Variants in ATG10 observed in about 807,000 individuals in gnomAD.
The protein encoded by ATG10 is autophagy related 10.
Under a neutral mutation model 32.1 loss-of-function variants are expected in ATG10, and 30 were observed. That is an observed-to-expected ratio of 0.94 (90% CI 0.70 to 1.27). The LOEUF is 1.27. Ranked by LOEUF, ATG10 falls within the 50% of genes most tolerant of loss-of-function variation. The probability of loss-of-function intolerance (pLI) is 0.00; values close to 1 mark genes in which losing one functional copy is unlikely to be tolerated. For synonymous variants in ATG10, 87 were observed against 91.5 expected (o/e 0.95, Z 0.28); for missense variants, 233 against 262.3 (o/e 0.89, Z 0.77).
At chr5:82,234,402 G>A (rs150874374) in intron 5 of ATG10, among the ~76,000 whole-genome samples, 8 of 152,274 alleles carry the variant, frequency 5.3e-5, no homozygotes, top group African/African-American at 1.9e-4. Context: ...TAGGGTACCT[G>A]GTGTGCAGGA....
In ATG10 at chr5:82,085,249, T is replaced by C. The variant is rs559880398; in HGVS notation, c.216+26647T>C. ...AGAGACAAAGAAGGCCATTACTTAA[T>C]GGTAAAGGGATCAATTCAACAAGAA... On this transcript the variant is annotated intron_variant, in intron 3 of 7. Transcript: ENST00000282185. 1.2e-3 allele frequency among the ~76,000 whole-genome samples: 175 copies of C among 152,076 alleles called. 2 individuals are homozygous for C. Among genetic ancestry groups the C allele is most frequent in the Admixed American group, 2.3e-3 (35 of 15,288 alleles).
intron 5 of ATG10, among the ~76,000 whole-genome samples, chr5:82,208,763 C>T (rs1581804963): frequency 6.6e-6 from 1 of 152,310 alleles, no homozygotes; most frequent in East Asian, 1.9e-4. Flanking sequence ...TTATTGGCAT[C>T]TTTTGAGATA....
intron 1 of ATG10, among the ~76,000 whole-genome samples, chr5:81,979,527 CA>C (rs869262529): frequency 2.7e-5 from 4 of 147,918 alleles, no homozygotes; most frequent in East Asian, 2.0e-4. Flanking sequence ...CACTCCGTCT[CA>C]AAAAAAAAAT....
At chr5:82,183,784 A>G (rs1213431381) in intron 5 of ATG10, among the ~76,000 whole-genome samples, 1 of 152,202 alleles carries the variant, frequency 6.6e-6, no homozygotes, top group African/African-American at 2.4e-5. Context: ...TTTGTGAGCT[A>G]GCTTTCAAGA....
At chr5:82,041,312 A>G (rs537352037) in intron 2 of ATG10, among the ~76,000 whole-genome samples, 3 of 152,330 alleles carry the variant, frequency 2.0e-5, no homozygotes, top group South Asian at 4.1e-4. Flanking sequence ...GATTTTATGT[A>G]TCTTGCTCAC....
chr5:82,149,092 T>A (rs1041945048), intron 3 of ATG10, among the ~76,000 whole-genome samples: 1 of 152,172 alleles, frequency 6.6e-6, no homozygotes, highest in African/African-American at 2.4e-5. Flanking sequence ...TGCCTCTTAC[T>A]AATTGTGACC....
intron 5 of ATG10, among the ~76,000 whole-genome samples, chr5:82,209,600 C>T (rs1745422624): frequency 6.6e-6 from 1 of 152,118 alleles, no homozygotes; most frequent in East Asian, 1.9e-4. Context: ...TTATAAACCA[C>T]CAAGTTTATG....
intron 5 of ATG10, among the ~76,000 whole-genome samples, chr5:82,186,981 G>C (rs1288107328): frequency 6.6e-6 from 1 of 152,072 alleles, no homozygotes; most frequent in Non-Finnish European, 1.5e-5. Context: ...AATGAATTCT[G>C]TTTGTTCCTT....
At chr5:82,169,601 T>C (rs1397096150) in intron 4 of ATG10, among the ~76,000 whole-genome samples, 1 of 152,136 alleles carries the variant, frequency 6.6e-6, no homozygotes, top group Non-Finnish European at 1.5e-5. Context: ...TGACAGATAA[T>C]TTAATTTAGA....
intron 3 of ATG10, among the ~76,000 whole-genome samples, chr5:82,061,015 CTT>C (rs1242652331): frequency 1.3e-5 from 2 of 152,180 alleles, no homozygotes; most frequent in Non-Finnish European, 2.9e-5. Flanking sequence ...ACCTATAACT[CTT>C]TTCTCTCACT....
intron 3 of ATG10, among the ~76,000 whole-genome samples, chr5:82,069,751 T>G (rs1764062097): frequency 6.6e-6 from 1 of 152,208 alleles, no homozygotes; most frequent in Non-Finnish European, 1.5e-5. Context: ...ATCTATTTTA[T>G]TAAAGGATAC....
At chr5:82,023,832 G>A (rs188327211) in intron 2 of ATG10, among the ~76,000 whole-genome samples, 1 of 152,300 alleles carries the variant, frequency 6.6e-6, no homozygotes, top group Admixed American at 6.5e-5. Flanking sequence ...AGTCAAAGCC[G>A]TAAACCTTTT....
intron 3 of ATG10, among the ~76,000 whole-genome samples, chr5:82,141,247 G>T (rs575028190): frequency 3.4e-5 from 5 of 148,690 alleles, no homozygotes; most frequent in Non-Finnish European, 6.0e-5. Flanking sequence ...AAAAAAAAAA[G>T]AAAGTCGAGT....
intron 2 of ATG10, among the ~76,000 whole-genome samples, chr5:82,020,920 A>G (rs78976832): frequency 0.11 from 16,946 of 152,128 alleles, 1,323 homozygotes; most frequent in Non-Finnish European, 0.16. Flanking sequence ...AATGTTAAGG[A>G]CAATTACTGG....
At chr5:82,083,226 C>T (rs1009190748) in intron 3 of ATG10, among the ~76,000 whole-genome samples, 10 of 152,220 alleles carry the variant, frequency 6.6e-5, no homozygotes, top group African/African-American at 2.4e-4. Context: ...CGGAGCCTCA[C>T]TCACTGCTAG....
rs1452010537 is a variant in ATG10, at chr5:82,018,338, C to A, written c.108+30660C>A. ...TTCATAATATCCAGAATCATACCAT[C>A]TGTCATCATCTTCCCTGCTACCACC... On this transcript the variant is annotated intron_variant, in intron 2 of 7. Transcript: ENST00000282185. Among the ~76,000 whole-genome samples the A allele has an allele frequency of 2.6e-5, 4 of 152,262 alleles. No homozygotes were observed. The East Asian group carries it at 7.7e-4, about 29-fold the overall frequency.
intron 5 of ATG10, among the ~76,000 whole-genome samples, chr5:82,196,889 C>G (rs1744870869): frequency 1.3e-5 from 2 of 152,142 alleles, no homozygotes; most frequent in African/African-American, 4.8e-5. Context: ...CTATGCATTT[C>G]CATATGAATC....
At chr5:82,003,643 A>G (rs1761910870) in intron 2 of ATG10, among the ~76,000 whole-genome samples, 1 of 152,238 alleles carries the variant, frequency 6.6e-6, no homozygotes, top group South Asian at 2.1e-4. Flanking sequence ...GTTAGAGAGA[A>G]AAAGAGCAGA....
chr5:82,112,130 A>G (rs763325199), intron 3 of ATG10, among the ~76,000 whole-genome samples: 7 of 151,876 alleles, frequency 4.6e-5, no homozygotes, highest in Non-Finnish European at 1.0e-4. Flanking sequence ...CAAGCTTTGA[A>G]ATTCTGTGGT....
Sources: allele counts gnomAD v4.1 joint callset (sites outside exome capture counted in the v4.1 genomes callset), GRCh38; gene constraint gnomAD v4.1.1; transcripts MANE v1.5; gene names NCBI Gene and HGNC (gene_info 2026-07-23, HGNC 2026-07-21).